THSD7B: variants seen among roughly 807,000 people sequenced by gnomAD.
The protein encoded by THSD7B is thrombospondin type-1 domain-containing protein 7B.
In THSD7B, 138 loss-of-function variants were observed where a neutral mutation model predicts 213.6. The ratio of observed to expected loss-of-function variants is 0.65; its 90% CI spans 0.56 to 0.74. The LOEUF is 0.74. Ranked by LOEUF, THSD7B falls within the 30% of genes least tolerant of loss-of-function variation. THSD7B has a pLI of 0.00. For missense variants in THSD7B, 1,931 were observed against 1,991.5 expected (o/e 0.97, Z 0.58); for synonymous variants, 742 against 687.0 (o/e 1.08, Z -1.25).
intron 15 of THSD7B, among the ~76,000 whole-genome samples, chr2:137,492,327 A>G (rs574030278): frequency 7.9e-5 from 12 of 152,130 alleles, no homozygotes; most frequent in Non-Finnish European, 1.6e-4. Flanking sequence ...CCCACTCATT[A>G]TCAATTATAT....
intron 20 of THSD7B, among the ~76,000 whole-genome samples, chr2:137,632,615 G>A (rs759957153): frequency 3.5e-4 from 53 of 152,216 alleles, no homozygotes; most frequent in African/African-American, 1.0e-3. Context: ...GGAGGTAAGC[G>A]GTCAGAATGC....
rs537948066 is a variant in THSD7B at position 137,045,917 on chromosome 2, C to T, written c.140-10503C>T. The stretch of plus-strand genomic sequence containing the variant: ...TGTGAAAAAACAGTATTTAAAAATT[C>T]TGTTGGGCACCATTATTAGGTGCCC... On this transcript the variant is annotated intron_variant, in intron 2 of 27. Coordinates refer to ENST00000409968, the MANE Select transcript of THSD7B (RefSeq NM_001316349.2). Among the ~76,000 whole-genome samples the T allele has an allele frequency of 3.3e-5, 5 of 152,218 alleles. No homozygotes were observed. The East Asian group carries it at 9.7e-4, about 29-fold the overall frequency.
In THSD7B at chr2:137,141,494, TCACACACACACA is replaced by T. The variant is rs36201207; in HGVS notation, c.1370-18702_1370-18691del. ...AACACACATGTGTGCACACACACAC[TCACACACACACA>T]CACACACACACACACAGGAATGCAT... On this transcript the variant is annotated intron_variant, in intron 5 of 27. Transcript: ENST00000409968. 1.5e-4 allele frequency among the ~76,000 whole-genome samples: 22 copies of T among 150,050 alleles called. No homozygotes were observed. The East Asian group carries it at 2.8e-3, about 19-fold the overall frequency.
intron 15 of THSD7B, among the ~76,000 whole-genome samples, chr2:137,500,187 A>G (rs1432589940): frequency 6.6e-6 from 1 of 152,210 alleles, no homozygotes; most frequent in Non-Finnish European, 1.5e-5. Flanking sequence ...CCACTTTGAT[A>G]TATCAGAATA....
chr2:137,404,567 ACTAT>A (rs1275687229), intron 12 of THSD7B, among the ~76,000 whole-genome samples: 1 of 86,526 alleles, frequency 1.2e-5, no homozygotes, highest in African/African-American at 2.8e-5. Context: ...ATATACACAC[ACTAT>A]ATATATACAC....
chr2:137,272,968 C>T (rs1187927313), intron 11 of THSD7B, among the ~76,000 whole-genome samples: 2 of 150,034 alleles, frequency 1.3e-5, no homozygotes, highest in African/African-American at 4.9e-5. Context: ...GAGATTTTTA[C>T]GGTTGTTATC....
At chr2:137,255,920 T>G (rs949241706) in intron 10 of THSD7B, among the ~76,000 whole-genome samples, 1 of 152,138 alleles carries the variant, frequency 6.6e-6, no homozygotes, top group Non-Finnish European at 1.5e-5. Flanking sequence ...ACTCCTGACC[T>G]CCAGTGGTGC....
At chr2:137,165,867 A>C (rs1680118923) in intron 6 of THSD7B, among the ~76,000 whole-genome samples, 1 of 152,096 alleles carries the variant, frequency 6.6e-6, no homozygotes, top group Non-Finnish European at 1.5e-5. Context: ...ATGAATGTGG[A>C]GAGTAGGAGA....
intron 1 of THSD7B, among the ~76,000 whole-genome samples, chr2:136,824,686 C>CTT (rs1682616409): frequency 6.6e-6 from 1 of 152,140 alleles, no homozygotes; most frequent in Admixed American, 6.5e-5. Flanking sequence ...AGTGTCTTCT[C>CTT]TTTGCTGATA....
At chr2:137,195,814 T>C (rs1680748612) in intron 7 of THSD7B, among the ~76,000 whole-genome samples, 1 of 152,252 alleles carries the variant, frequency 6.6e-6, no homozygotes, top group East Asian at 1.9e-4. Flanking sequence ...ATGTTGACAC[T>C]AGTGGATGAA....
At position 137,616,168 on chromosome 2, in the gene THSD7B, T is replaced by G. The variant is rs557908709; in HGVS notation, c.3424-7T>G. The G allele has an allele frequency of 6.2e-7, 1 of 1,610,188 alleles. No individual in the cohort carries two copies. Among genetic ancestry groups the G allele is most frequent in the African/African-American group, 1.3e-5 (1 of 74,812 alleles). On this transcript the variant is annotated splice_region_variant and splice_polypyrimidine_tract_variant and intron_variant, in intron 17 of 27. Transcript: ENST00000409968. ...ACAGTCAACTTTTCCTACTCTGATTTTAATAGTCATGCGATCCCCACACAA... is the reference window on the plus strand; with the variant it reads ...ACAGTCAACTTTTCCTACTCTGATTGTAATAGTCATGCGATCCCCACACAA...
chr2:136,886,578 A>T (rs1573689290), intron 2 of THSD7B, among the ~76,000 whole-genome samples: 2 of 152,266 alleles, frequency 1.3e-5, no homozygotes, highest in East Asian at 3.9e-4. Context: ...GTTGAGTAAA[A>T]TCCAGGGATG....
chr2:137,477,372 T>C (rs1688215246), intron 15 of THSD7B, among the ~76,000 whole-genome samples: 1 of 152,156 alleles, frequency 6.6e-6, no homozygotes. Flanking sequence ...TTCCATTCCT[T>C]TACTTGAAGT....
At chr2:136,833,011 C>T (rs1336045342) in intron 1 of THSD7B, among the ~76,000 whole-genome samples, 1 of 152,096 alleles carries the variant, frequency 6.6e-6, no homozygotes, top group East Asian at 1.9e-4. Flanking sequence ...TCTTAATAGA[C>T]TTTATTTGTG....
intron 7 of THSD7B, among the ~76,000 whole-genome samples, chr2:137,221,348 AG>A (rs1293296708): frequency 1.3e-5 from 2 of 152,164 alleles, no homozygotes; most frequent in Non-Finnish European, 2.9e-5. Context: ...GATTGACTAC[AG>A]GGGGACCCCT....
chr2:137,414,219 G>A (rs1047537649), intron 14 of THSD7B, among the ~76,000 whole-genome samples: 2 of 152,010 alleles, frequency 1.3e-5, no homozygotes, highest in African/African-American at 2.4e-5. Flanking sequence ...ATTTACTGTA[G>A]CCTCATAACT....
chr2:137,546,401 A>G lies in THSD7B; in HGVS notation c.3139-16820A>G, dbSNP rs1408158570. Among the ~76,000 whole-genome samples, 11 of 43,260 alleles carry G rather than the reference A, an allele frequency of 2.5e-4. 1 individual carries two copies. Among genetic ancestry groups the G allele is most frequent in the Non-Finnish European group, 3.9e-4 (11 of 27,922 alleles). 28.4% of individuals were successfully genotyped at this position (43,260 alleles called of 152,430 possible). A position where few individuals can be genotyped will look rare whatever the true frequency, so the allele number is the denominator to read the frequency against. ...AATATATATATTATATATATTATAT[A>G]TATTATATATATATTATATATATTA... On this transcript the variant is annotated intron_variant, in intron 15 of 27. Transcript: ENST00000409968.
chr2:136,902,838 G>A (rs977943547), intron 2 of THSD7B, among the ~76,000 whole-genome samples: 5 of 152,196 alleles, frequency 3.3e-5, no homozygotes, highest in African/African-American at 9.7e-5. Context: ...CAACGTCAGC[G>A]GCTCTGGAAC....
intron 2 of THSD7B, among the ~76,000 whole-genome samples, chr2:137,050,859 G>A (rs924504715): frequency 1.2e-4 from 18 of 152,028 alleles, no homozygotes; most frequent in African/African-American, 3.9e-4. Flanking sequence ...TTAAATTCTC[G>A]TATGTTTGTG....
Sources: allele counts gnomAD v4.1 joint callset (sites outside exome capture counted in the v4.1 genomes callset), GRCh38; gene constraint gnomAD v4.1.1; transcripts MANE v1.5; gene names NCBI Gene and HGNC (gene_info 2026-07-23, HGNC 2026-07-21).